The following LOC112694756 variants were observed in gnomAD, a reference collection of about 807,000 sequenced individuals.
At chr16:30,062,132 G>A in the LOC112694756 span, among the ~76,000 whole-genome samples, 455 of 152,170 alleles carry the variant, frequency 3.0e-3, 3 homozygotes, top group Non-Finnish European at 4.4e-3. Context: ...GAACCCGGGA[G>A]GCAGAGGTTG....
the LOC112694756 span, among the ~76,000 whole-genome samples, chr16:30,061,930 C>A: frequency 1.3e-5 from 2 of 151,544 alleles, no homozygotes; most frequent in Non-Finnish European, 2.9e-5. Context: ...AGGCTGGGCG[C>A]GGTGGCTCAC....
chr16:30,063,671 A>G, the LOC112694756 span: 1 of 399,110 alleles, frequency 2.5e-6, no homozygotes, highest in South Asian at 1.3e-4. Context: ...TTCTCCCCTT[A>G]GAGAGCAACA....
chr16:30,063,645 A>G, the LOC112694756 span: 1 of 398,758 alleles, frequency 2.5e-6, no homozygotes, highest in Non-Finnish European at 4.4e-6. Flanking sequence ...GAGATTTCCC[A>G]GGCCTCTCTG....
At chr16:30,070,038 A>G in the LOC112694756 span, 13 of 1,613,670 alleles carry the variant, frequency 8.1e-6, no homozygotes, top group Non-Finnish European at 1.0e-5. Flanking sequence ...TGGTAAGGAT[A>G]GGCAGGAGGT....
the LOC112694756 span, chr16:30,066,894 C>G: frequency 2.6e-6 from 4 of 1,549,626 alleles, no homozygotes; most frequent in Non-Finnish European, 2.6e-6. Context: ...GGCAAGGTGA[C>G]CCCATGGCAA....
chr16:30,069,997 G>A, the LOC112694756 span: 11 of 1,613,736 alleles, frequency 6.8e-6, no homozygotes, highest in African/African-American at 4.0e-5. Flanking sequence ...GAACCTGAAG[G>A]CTGCGCAGGA....
At chr16:30,058,075 T>C in the LOC112694756 span, among the ~76,000 whole-genome samples, 5 of 152,142 alleles carry the variant, frequency 3.3e-5, no homozygotes, top group South Asian at 2.1e-4. Context: ...CATCACCTCC[T>C]TGGGAGAGAG....
At chr16:30,068,487 C>T in the LOC112694756 span, 1 of 800,756 alleles carries the variant, frequency 1.2e-6, no homozygotes, top group Admixed American at 2.0e-5. Flanking sequence ...GGGGCACGCC[C>T]AGCTACCTAG....
chr16:30,069,324 G>C, the LOC112694756 span: 10 of 1,614,042 alleles, frequency 6.2e-6, no homozygotes, highest in African/African-American at 1.3e-5. Flanking sequence ...TGTGCCCATC[G>C]TGGAGCCTGA....
chr16:30,055,196 A>G, the LOC112694756 span: 1 of 399,242 alleles, frequency 2.5e-6, no homozygotes, highest in Non-Finnish European at 4.4e-6. Context: ...CGCGGACGGT[A>G]GCTCCCCCTG....
chr16:30,067,988 TACTAAGTGA>T, the LOC112694756 span: 1 of 391,338 alleles, frequency 2.6e-6, no homozygotes, highest in South Asian at 3.0e-5. Flanking sequence ...AGAGGATTGT[TACTAAGTGA>T]ACTAAGTGAA....
the LOC112694756 span, chr16:30,066,785 C>T: frequency 1.5e-6 from 2 of 1,354,314 alleles, no homozygotes; most frequent in Non-Finnish European, 2.0e-6. Context: ...GAAGCACAGA[C>T]CTTTCCCATA....
At chr16:30,069,525 G>C in the LOC112694756 span, 34 of 1,613,990 alleles carry the variant, frequency 2.1e-5, no homozygotes. Context: ...ACAAGGCTCT[G>C]AGTGACCACC....
chr16:30,069,280 C>A, the LOC112694756 span: 28 of 1,613,466 alleles, frequency 1.7e-5, no homozygotes, highest in South Asian at 3.0e-4. Context: ...GGAGGCCTCA[C>A]AGTGACCCTG....
At chr16:30,067,297 G>A in the LOC112694756 span, 3 of 1,612,878 alleles carry the variant, frequency 1.9e-6, no homozygotes, top group Non-Finnish European at 2.5e-6. Flanking sequence ...GCAGAAGAAG[G>A]AGCTGTCTGA....
At chr16:30,060,549 C>T in the LOC112694756 span, among the ~76,000 whole-genome samples, 4 of 152,108 alleles carry the variant, frequency 2.6e-5, no homozygotes, top group Non-Finnish European at 5.9e-5. Context: ...CTGCTTGTAA[C>T]GGTTGAGAAA....
chr16:30,068,386 G>T, the LOC112694756 span: 1 of 521,242 alleles, frequency 1.9e-6, no homozygotes. Flanking sequence ...TATTTTAATT[G>T]TAACTAAGTG....
the LOC112694756 span, chr16:30,069,437 C>G: frequency 6.2e-7 from 1 of 1,613,964 alleles, no homozygotes. Context: ...GCCGGGGACC[C>G]TGGGGCTAAC....
At chr16:30,070,328 G>C in the LOC112694756 span, 1 of 918,488 alleles carries the variant, frequency 1.1e-6, no homozygotes, top group Non-Finnish European at 1.8e-6. Flanking sequence ...TTCTTCCCTC[G>C]TGACAGTGGT....
Sources: gnomAD v4.1 joint callset for allele counts (sites outside exome capture counted in the v4.1 genomes callset) on GRCh38, gnomAD v4.1.1 for gene constraint, MANE v1.5 for transcripts.